The following RALGPS1 variants were observed in gnomAD, a reference collection of about 807,000 sequenced individuals.
RALGPS1 encodes the protein ras-specific guanine nucleotide-releasing factor RalGPS1.
In RALGPS1, 19 loss-of-function variants were observed where a neutral mutation model predicts 78.8. The observed-to-expected ratio is 0.24, with a 90% confidence interval of 0.17 to 0.35. The LOEUF (loss-of-function observed/expected upper bound fraction) is 0.35. RALGPS1 is among the 10% of genes least tolerant of loss of function. The pLI is 1.00. For missense variants in RALGPS1, 454 were observed against 688.3 expected, an observed-to-expected ratio of 0.66 and a Z score of 3.81; for synonymous variants, 228 against 256.3, an observed-to-expected ratio of 0.89 and a Z score of 1.06.
intron 5 of RALGPS1, among the ~76,000 whole-genome samples, chr9:127,042,476 A>T (rs557864524): frequency 1.3e-4 from 20 of 150,470 alleles, no homozygotes; most frequent in Admixed American, 3.3e-4. Flanking sequence ...ATTCATAATT[A>T]AAAAAAAAAT....
Position 127,183,775 on chromosome 9 carries a change from A to C in RALGPS1, c.910+8993A>C. ...CTGCCCGTTTATATTTTCGGAATGG[A>C]TGGGTGGGAGGGGCCCTCCATGAGG... On this transcript the variant is annotated intron_variant, in intron 11 of 18. Transcript: ENST00000259351. The surrounding 1 kb of genome is among the most constrained non-coding windows in gnomAD (Gnocchi z 4.0). The C allele has an allele frequency of 9.0e-7, 1 of 1,110,122 alleles. No homozygotes were observed. 68.8% of individuals were successfully genotyped at this position (1,110,122 alleles called of 1,614,324 possible). A position where few individuals can be genotyped will look rare whatever the true frequency, so the allele number is the denominator to read the frequency against.
chr9:127,093,733 C>G (rs778867885), intron 8 of RALGPS1: 1 of 1,614,038 alleles, frequency 6.2e-7, no homozygotes, highest in African/African-American at 1.3e-5. Context: ...CGAGTCTCAC[C>G]TTGTACGTCT....
chr9:126,932,666 T>C (rs1007408491), intron 1 of RALGPS1, among the ~76,000 whole-genome samples: 3 of 152,226 alleles, frequency 2.0e-5, no homozygotes, highest in African/African-American at 4.8e-5. Flanking sequence ...AATCCATTTA[T>C]ATAAAGTACA....
chr9:127,188,056 CTTT>C (rs35971647), intron 11 of RALGPS1, among the ~76,000 whole-genome samples: 32 of 81,698 alleles, frequency 3.9e-4, no homozygotes, highest in Middle Eastern at 7.0e-3. Context: ...GAATTAGAGC[CTTT>C]TTTTTTTTTT....
Position 127,131,881 on chromosome 9 carries a change from C to T in RALGPS1, c.611-34188C>T, listed in dbSNP as rs1289262544. Among the ~76,000 whole-genome samples, 4 of 152,318 alleles carry T rather than the reference C, an allele frequency of 2.6e-5. No individual in the cohort carries two copies. The South Asian group carries it at 6.2e-4, about 24-fold the overall frequency. On this transcript the variant is annotated intron_variant, in intron 8 of 18. Coordinates refer to ENST00000259351, the MANE Select transcript of RALGPS1 (RefSeq NM_014636.3). ...GGTCAGTGGTTCTCGAGCTTTTGCGCTTCAAGATCAACTGAGGGCTTGTTA... is the reference window on the plus strand; with the variant it reads ...GGTCAGTGGTTCTCGAGCTTTTGCGTTTCAAGATCAACTGAGGGCTTGTTA...
intron 4 of RALGPS1, among the ~76,000 whole-genome samples, chr9:127,019,207 C>G (rs968789127): frequency 2.0e-5 from 3 of 152,176 alleles, no homozygotes; most frequent in Non-Finnish European, 2.9e-5. Flanking sequence ...GAAACAGTCA[C>G]TCAAATCATT....
In RALGPS1 at chr9:127,211,386, A is replaced by G. The variant is rs61567036; in HGVS notation, c.1248-745A>G. Among the ~76,000 whole-genome samples the G allele has an allele frequency of 1.9e-4, 29 of 152,252 alleles. No individual in the cohort carries two copies. In the East Asian group the frequency reaches 5.4e-3, roughly 28 times the overall value. The stretch of plus-strand genomic sequence containing the variant: ...GTCCAGTGGCCTGAGGTGTAGTGGG[A>G]TGGCGAAGATGGATGGTCAGACATA... On this transcript the variant is annotated intron_variant, in intron 14 of 18. Coordinates refer to ENST00000259351, the MANE Select transcript of RALGPS1 (RefSeq NM_014636.3). This position sits in a 1 kb window ranked among gnomAD's most constrained non-coding sequence, Gnocchi z 5.0.
chr9:127,182,328 TC>T (rs2060282131), intron 11 of RALGPS1, among the ~76,000 whole-genome samples: 1 of 148,730 alleles, frequency 6.7e-6, no homozygotes, highest in African/African-American at 2.5e-5. Flanking sequence ...CTTCCTTCCT[TC>T]CTGCCTTCCT....
intron 1 of RALGPS1, among the ~76,000 whole-genome samples, chr9:126,957,617 C>G: frequency 6.6e-6 from 1 of 152,180 alleles, no homozygotes; most frequent in East Asian, 1.9e-4. Flanking sequence ...AACAGACAGG[C>G]TGAGTTGGTC....
At chr9:127,182,344 TCCTTCCTCCCTTCCTTCCTTCCTTCCTC>T (rs1564737523) in intron 11 of RALGPS1, among the ~76,000 whole-genome samples, 1 of 144,002 alleles carries the variant, frequency 6.9e-6, no homozygotes, top group African/African-American at 2.6e-5. Context: ...CTTCCTTCCT[TCCTTCCTCCCTTCCTTCCTTCCTTCCTC>T]CCTCCCTCCC....
rs1346392786 is a variant in RALGPS1, at chr9:126,914,990, C to T, written c.-66+15C>T. 6.6e-6 allele frequency: 1 copy of T among 150,664 alleles called. No individual in the cohort carries two copies. Among genetic ancestry groups the T allele is most frequent in the African/African-American group, 2.4e-5 (1 of 41,062 alleles). The allele number at this position is 150,664 out of a possible 1,614,324, so 9.3% of individuals were successfully genotyped here. A position where few individuals can be genotyped will look rare whatever the true frequency, so the allele number is the denominator to read the frequency against. ...CCCGCGTCAAGGTGACCGGCCGGGA[C>T]TGCGGCGGCGGGGAGAGCGGCGGTG... On this transcript the variant is annotated intron_variant, in intron 1 of 18. Coordinates refer to ENST00000259351, the MANE Select transcript of RALGPS1 (RefSeq NM_014636.3).
chr9:127,186,901 A>G (rs1359963460), intron 11 of RALGPS1, among the ~76,000 whole-genome samples: 3 of 152,158 alleles, frequency 2.0e-5, no homozygotes, highest in African/African-American at 7.2e-5. Context: ...AATTGAATGG[A>G]AGAGACCAAG....
At chr9:126,960,197 TTCCCTCCCTCCCTCCC>T (rs1229964923) in intron 1 of RALGPS1, among the ~76,000 whole-genome samples, 1 of 42,140 alleles carries the variant, frequency 2.4e-5, no homozygotes. Flanking sequence ...CCTCCCTTCC[TTCCCTCCCTCCCTCCC>T]TCCCTCCCTT....
intron 6 of RALGPS1, among the ~76,000 whole-genome samples, chr9:127,051,043 A>G (rs554678492): frequency 2.6e-4 from 40 of 152,354 alleles, no homozygotes; most frequent in African/African-American, 9.4e-4. Context: ...GTGGGCAGGA[A>G]TCGGAGTCGT....
chr9:127,065,538 A>G (rs1564514454), intron 7 of RALGPS1, among the ~76,000 whole-genome samples: 1 of 152,166 alleles, frequency 6.6e-6, no homozygotes, highest in Non-Finnish European at 1.5e-5. Flanking sequence ...TGGAATTTCT[A>G]ATTGCCTTAA....
chr9:126,932,573 T>C (rs1272197472), intron 1 of RALGPS1, among the ~76,000 whole-genome samples: 1 of 151,814 alleles, frequency 6.6e-6, no homozygotes, highest in African/African-American at 2.4e-5. Context: ...TCAGTTAGAG[T>C]TAATGTACAA....
chr9:127,217,584 T>C, intron 18 of RALGPS1: 1 of 317,054 alleles, frequency 3.2e-6, no homozygotes, highest in Non-Finnish European at 4.6e-6. Flanking sequence ...TAAAACACCT[T>C]ATTGCCACCA....
chr9:127,042,452 A>G (rs1171268952), intron 5 of RALGPS1, among the ~76,000 whole-genome samples: 1 of 152,268 alleles, frequency 6.6e-6, no homozygotes, highest in South Asian at 2.1e-4. Context: ...AGCATCTCAC[A>G]AAGTCCAGTA....
intron 8 of RALGPS1, among the ~76,000 whole-genome samples, chr9:127,081,004 ATCC>A (rs938699331): frequency 3.9e-5 from 6 of 152,180 alleles, no homozygotes; most frequent in Non-Finnish European, 8.8e-5. Context: ...GTGTGTCTTT[ATCC>A]TCCTGTTAAA....
Sources: allele counts gnomAD v4.1 joint callset (sites outside exome capture counted in the v4.1 genomes callset), GRCh38; gene constraint gnomAD v4.1.1; non-coding constraint Gnocchi (gnomAD v3.1); transcripts MANE v1.5; gene names NCBI Gene and HGNC (gene_info 2026-07-23, HGNC 2026-07-21).